The following ADAMTS6 variants were observed in gnomAD, a reference collection of about 807,000 sequenced individuals.
ADAMTS6 encodes the protein A disintegrin and metalloproteinase with thrombospondin motifs 6.
A neutral mutation model predicts 144.3 loss-of-function variants in ADAMTS6; 23 were observed. That is an observed-to-expected ratio of 0.16 (90% CI 0.11 to 0.23). The LOEUF is 0.23. Among genes scored for constraint, ADAMTS6 ranks in the 10% least tolerant of loss-of-function variants. ADAMTS6 has a pLI of 1.00. For synonymous variants in ADAMTS6, 444 were observed against 457.5 expected, an observed-to-expected ratio of 0.97 and a Z score of 0.38; for missense variants, 999 against 1,379.6, an observed-to-expected ratio of 0.72 and a Z score of 4.37.
Position 65,469,154 on chromosome 5 carries a change from T to C in ADAMTS6, c.462+1624A>G, listed in dbSNP as rs1039364830. Among the ~76,000 whole-genome samples the C allele has an allele frequency of 7.9e-5, 12 of 152,236 alleles. No individual in the cohort carries two copies. The East Asian group carries it at 2.3e-3, about 29-fold the overall frequency. Reference sequence around the variant, plus strand: ...TATGTATTCTCTGTCTTATTACATGTCAGGAAAGAAAAAATTAATAGGATG... The same window carrying C: ...TATGTATTCTCTGTCTTATTACATGCCAGGAAAGAAAAAATTAATAGGATG... On this transcript the variant is annotated intron_variant, in intron 3 of 24. Coordinates refer to ENST00000381055, the MANE Select transcript of ADAMTS6 (RefSeq NM_197941.4).
At chr5:65,384,928 G>A (rs1171126398) in intron 7 of ADAMTS6, among the ~76,000 whole-genome samples, 2 of 152,134 alleles carry the variant, frequency 1.3e-5, no homozygotes, top group Admixed American at 1.3e-4. Context: ...CAGCAGATGT[G>A]GTGTCTGATA....
At chr5:65,328,036 C>G (rs1746336242) in intron 9 of ADAMTS6, among the ~76,000 whole-genome samples, 1 of 151,964 alleles carries the variant, frequency 6.6e-6, no homozygotes, top group African/African-American at 2.4e-5. Flanking sequence ...TTTTATTCAC[C>G]TGATGTTTAT....
chr5:65,391,749 T>TC (rs1048196935), intron 7 of ADAMTS6, among the ~76,000 whole-genome samples: 1 of 152,016 alleles, frequency 6.6e-6, no homozygotes, highest in African/African-American at 2.4e-5. Flanking sequence ...ACTTTTTTTT[T>TC]TTTTTGAGAC....
intron 7 of ADAMTS6, among the ~76,000 whole-genome samples, chr5:65,373,807 AAAG>A (rs1003803459): frequency 1.8e-4 from 27 of 152,168 alleles, no homozygotes; most frequent in Non-Finnish European, 3.1e-4. Context: ...CACAACCAAA[AAAG>A]AGAATTTTAG....
chr5:65,423,448 A>G (rs1292372711), intron 7 of ADAMTS6, among the ~76,000 whole-genome samples: 1 of 152,216 alleles, frequency 6.6e-6, no homozygotes, highest in Non-Finnish European at 1.5e-5. Flanking sequence ...AAGGTAACAA[A>G]ATTTGGATAA....
In ADAMTS6 at chr5:65,151,960, C is replaced by G. The variant is rs1010965480; in HGVS notation, c.3245-15G>C. 6.3e-7 allele frequency: 1 copy of G among 1,599,344 alleles called. No individual in the cohort carries two copies. The highest frequency in any genetic ancestry group is 2.2e-5 in the East Asian group (1 of 44,626). Reference sequence around the variant, plus strand: ...ATCTTTGCACTCTAACGAATGGGGGCAGAAAATGGAAAACAATTAGAGGCA... The same window carrying G: ...ATCTTTGCACTCTAACGAATGGGGGGAGAAAATGGAAAACAATTAGAGGCA... On this transcript the variant is annotated splice_polypyrimidine_tract_variant and intron_variant, in intron 24 of 24. Coordinates refer to ENST00000381055, the MANE Select transcript of ADAMTS6 (RefSeq NM_197941.4).
chr5:65,347,537 CCA>C (rs1561450175), intron 7 of ADAMTS6, among the ~76,000 whole-genome samples: 3 of 151,800 alleles, frequency 2.0e-5, no homozygotes, highest in Non-Finnish European at 4.4e-5. Context: ...AGACCTGCAA[CCA>C]TAAGACTACT....
rs115587485 is a variant in ADAMTS6 at position 65,424,131 on chromosome 5, T to A, written c.1073+27344A>T. Reference sequence around the variant, plus strand: ...CTGCGACTACTTTTTCTTTTCTTTTTCCTTGAAGCATAGCTTACTTTGATT... The same window carrying A: ...CTGCGACTACTTTTTCTTTTCTTTTACCTTGAAGCATAGCTTACTTTGATT... On this transcript the variant is annotated intron_variant, in intron 7 of 24. Coordinates refer to ENST00000381055, the MANE Select transcript of ADAMTS6 (RefSeq NM_197941.4). 2.8e-3 allele frequency among the ~76,000 whole-genome samples: 421 copies of A among 152,302 alleles called. 3 individuals are homozygous for A. Among genetic ancestry groups the A allele is most frequent in the African/African-American group, 9.8e-3 (408 of 41,550 alleles).
At chr5:65,162,897 T>C (rs1752871997) in intron 24 of ADAMTS6, among the ~76,000 whole-genome samples, 1 of 152,090 alleles carries the variant, frequency 6.6e-6, no homozygotes, top group South Asian at 2.1e-4. Flanking sequence ...AAGACAGATT[T>C]TGTTCTGTTT....
intron 18 of ADAMTS6, among the ~76,000 whole-genome samples, chr5:65,218,263 G>T (rs1191633078): frequency 6.6e-6 from 1 of 152,132 alleles, no homozygotes; most frequent in African/African-American, 2.4e-5. Context: ...TTGCAGGAGG[G>T]CTGAGCAAGC....
chr5:65,234,020 A>C (rs567502467), intron 15 of ADAMTS6, among the ~76,000 whole-genome samples: 1 of 151,172 alleles, frequency 6.6e-6, no homozygotes, highest in East Asian at 1.9e-4. Flanking sequence ...AAGAAAATAG[A>C]GTGAGGAGAG....
chr5:65,216,404 C>T (rs772621709), intron 18 of ADAMTS6, among the ~76,000 whole-genome samples: 1 of 138,570 alleles, frequency 7.2e-6, no homozygotes, highest in Non-Finnish European at 1.5e-5. Flanking sequence ...AGACAGAAAG[C>T]AGATGGGTAG....
At chr5:65,154,266 A>G (rs1016373602) in intron 24 of ADAMTS6, among the ~76,000 whole-genome samples, 3 of 152,216 alleles carry the variant, frequency 2.0e-5, no homozygotes, top group African/African-American at 7.2e-5. Flanking sequence ...TTTGTTCCTT[A>G]GATGAGTGCT....
chr5:65,403,225 C>G (rs1754093746), intron 7 of ADAMTS6, among the ~76,000 whole-genome samples: 1 of 152,090 alleles, frequency 6.6e-6, no homozygotes, highest in African/African-American at 2.4e-5. Context: ...TGTCTGCTTT[C>G]TTGATTTTCC....
intron 18 of ADAMTS6, among the ~76,000 whole-genome samples, chr5:65,216,855 G>C (rs1489712973): frequency 6.6e-6 from 1 of 150,894 alleles, no homozygotes; most frequent in Non-Finnish European, 1.5e-5. Context: ...TAGTACTACC[G>C]TACAAAAACT....
At chr5:65,168,140 A>G (rs1332516456) in intron 24 of ADAMTS6, among the ~76,000 whole-genome samples, 37 of 149,542 alleles carry the variant, frequency 2.5e-4, no homozygotes, top group Non-Finnish European at 4.6e-4. Context: ...AAACCCCATC[A>G]TCTCAGCCCA....
chr5:65,283,726 G>A (rs995921887), intron 11 of ADAMTS6, among the ~76,000 whole-genome samples: 2 of 152,056 alleles, frequency 1.3e-5, no homozygotes, highest in Admixed American at 6.6e-5. Context: ...AATCTTCAAG[G>A]AAAGTGTGAT....
chr5:65,170,906 A>G (rs1753581017), intron 23 of ADAMTS6, 133 bp from the exon 24 acceptor site: 6 of 932,530 alleles, frequency 6.4e-6, no homozygotes, highest in Non-Finnish European at 8.9e-6. Flanking sequence ...GCGTCTTGCT[A>G]TGTTGGCCAG....
chr5:65,237,387 CAAAAAAAAA>C (rs371275883), intron 15 of ADAMTS6, among the ~76,000 whole-genome samples: 2 of 77,248 alleles, frequency 2.6e-5, no homozygotes, highest in African/African-American at 9.4e-5. Flanking sequence ...GACCTTGTCT[CAAAAAAAAA>C]AAAAAAAAAG....
Sources: gnomAD v4.1 joint callset for allele counts (sites outside exome capture counted in the v4.1 genomes callset) on GRCh38, gnomAD v4.1.1 for gene constraint, MANE v1.5 for transcripts, NCBI Gene and HGNC (gene_info 2026-07-23, HGNC 2026-07-21) for gene names.